Variants in EIF4G2 observed in about 807,000 individuals in gnomAD.
EIF4G2 encodes the protein eukaryotic translation initiation factor 4 gamma 2.
EIF4G2 carries 8 observed loss-of-function variants against 117.7 expected under a neutral mutation model. The ratio of observed to expected loss-of-function variants is 0.07; its 90% CI spans 0.04 to 0.12. EIF4G2 has a LOEUF of 0.12. Ranked by LOEUF, EIF4G2 falls within the 10% of genes least tolerant of loss-of-function variation. EIF4G2 has a pLI of 1.00. For synonymous variants in EIF4G2, 413 were observed against 367.8 expected, an observed-to-expected ratio of 1.12 and a Z score of -1.41; for missense variants, 812 against 1,086.2, an observed-to-expected ratio of 0.75 and a Z score of 3.55.
intron 1 of EIF4G2, chr11:10,808,385 C>G: frequency 8.1e-7 from 1 of 1,241,946 alleles, no homozygotes; most frequent in Non-Finnish European, 1.0e-6. Flanking sequence ...CGCTAGCGGT[C>G]CGAGCCACGC....
chr11:10,801,788 G>C lies in EIF4G2; in HGVS notation c.1300-14C>G. On this transcript the variant is annotated splice_polypyrimidine_tract_variant and intron_variant, in intron 13 of 21. Transcript: ENST00000339995. Reference sequence around the variant, plus strand: ...CTGGCTTAGCCCCTATTTCAGAAAAGGAGAAAGAAAGTCTAGATAAAAAGG... The same window carrying C: ...CTGGCTTAGCCCCTATTTCAGAAAACGAGAAAGAAAGTCTAGATAAAAAGG... The C allele has an allele frequency of 6.2e-7, 1 of 1,609,756 alleles. No homozygotes were observed. The highest frequency in any genetic ancestry group is 1.3e-5 in the African/African-American group (1 of 74,768).
chr11:10,798,959 G>T (rs531076328), intron 21 of EIF4G2, 33 bp downstream of exon 21: 108 of 1,583,870 alleles, frequency 6.8e-5, no homozygotes, highest in Non-Finnish European at 9.1e-5. Flanking sequence ...GCAAACTGAA[G>T]TAAGCAGACC....
Position 10,806,055 on chromosome 11 carries a change from A to T in EIF4G2, c.108-8T>A. Reference sequence around the variant, plus strand: ...GTTTTCCCCAGGAACTCGCTGATTAATAAAAATCAGCAAAAACACTTATTG... The same window carrying T: ...GTTTTCCCCAGGAACTCGCTGATTATTAAAAATCAGCAAAAACACTTATTG... On this transcript the variant is annotated splice_region_variant and splice_polypyrimidine_tract_variant and intron_variant, in intron 3 of 21. Transcript: ENST00000339995. 8 of 1,614,180 alleles carry T rather than the reference A, an allele frequency of 5.0e-6. No homozygotes were observed. Among genetic ancestry groups the T allele is most frequent in the East Asian group, 2.2e-5 (1 of 44,890 alleles).
chr11:10,803,682 C>G lies in EIF4G2; in HGVS notation c.703-92G>C. On this transcript the variant is annotated intron_variant, in intron 8 of 21. Coordinates refer to ENST00000339995, the MANE Select transcript of EIF4G2 (RefSeq NM_001418.4). The surrounding 1 kb of genome is among the most constrained non-coding windows in gnomAD (Gnocchi z 4.0). ...CCCTTTATGTTTGCACTGACTCATT[C>G]ACAGTTCCTACAGAATCTAGTATAG... The G allele has an allele frequency of 8.0e-7, 1 of 1,245,100 alleles. No individual in the cohort carries two copies. 77.1% of individuals were successfully genotyped at this position (1,245,100 alleles called of 1,614,324 possible). A position where few individuals can be genotyped will look rare whatever the true frequency, so the allele number is the denominator to read the frequency against.
At position 10,803,431 on chromosome 11, in the gene EIF4G2, T is replaced by C. The variant is rs1847481668; in HGVS notation, c.813+49A>G. The C allele has an allele frequency of 1.3e-6, 2 of 1,582,676 alleles. No individual in the cohort carries two copies. Among genetic ancestry groups the C allele is most frequent in the Non-Finnish European group, 1.7e-6 (2 of 1,153,152 alleles). On this transcript the variant is annotated intron_variant, in intron 9 of 21. Coordinates refer to ENST00000339995, the MANE Select transcript of EIF4G2 (RefSeq NM_001418.4). This position sits in a 1 kb window ranked among gnomAD's most constrained non-coding sequence, Gnocchi z 4.0. ...TATGATGTCACAAAAATCAATAGCT[T>C]GATTTAAAGACAAACTACTTGTACT...
At position 10,802,324 on chromosome 11, in the gene EIF4G2, C is replaced by T; in HGVS notation, c.1108G>A (p.Gly370Arg). Residue 370 changes from glycine to arginine, a missense_variant, in exon 12 of 22, where the codon GGA becomes AGA. Gly to Arg is a moderately radical substitution (Grantham distance 125). Transcript: ENST00000339995. The stretch of plus-strand genomic sequence containing the variant: ...ATTTGTCCAAACATATCAGCAAGTC[C>T]TCCAAGTGGGTCCCTATCCATTTTC... The T allele has an allele frequency of 1.9e-6, 3 of 1,613,746 alleles. No homozygotes were observed. The highest frequency in any genetic ancestry group is 8.5e-7 in the Non-Finnish European group (1 of 1,179,890).
At position 10,807,751 on chromosome 11, in the gene EIF4G2, G is replaced by A. The variant is rs892949394; in HGVS notation, c.-86-370C>T. 33 of 991,350 alleles carry A rather than the reference G, an allele frequency of 3.3e-5. No homozygotes were observed. The African/African-American group carries it at 5.1e-4, about 15-fold the overall frequency. The allele number at this position is 991,350 out of a possible 1,614,324, so 61.4% of individuals were successfully genotyped here. On this transcript the variant is annotated intron_variant, in intron 1 of 21. Coordinates refer to ENST00000339995, the MANE Select transcript of EIF4G2 (RefSeq NM_001418.4). ...CCCTAGGAATTTTTACTGCCTTGAC[G>A]AGGCCAGCGACTAGATGAGGTCTCT...
chr11:10,801,302 C>CAGT (rs1471638358), intron 14 of EIF4G2: 1 of 646,830 alleles, frequency 1.5e-6, no homozygotes, highest in East Asian at 2.8e-5. Flanking sequence ...ATAAATCTTA[C>CAGT]ATTCTCTTAG....
chr11:10,805,630 T>C (rs1251577353), intron 4 of EIF4G2, among the ~76,000 whole-genome samples: 2 of 152,124 alleles, frequency 1.3e-5, no homozygotes, highest in African/African-American at 4.8e-5. Flanking sequence ...TTTTTGTATT[T>C]TTAGTAGAGA....
At chr11:10,805,841 GCACA>G in intron 4 of EIF4G2, 62 bp downstream of exon 4, 1 of 1,606,578 alleles carries the variant, frequency 6.2e-7, no homozygotes, top group South Asian at 1.1e-5. Flanking sequence ...TAGTAATACA[GCACA>G]CACACCAAAC....
chr11:10,804,663 A>C, intron 5 of EIF4G2: 2 of 607,640 alleles, frequency 3.3e-6, no homozygotes. Flanking sequence ...TTTCCACAAA[A>C]GAAAAAGAAC....
At chr11:10,805,834 T>A in intron 4 of EIF4G2, 73 bp downstream of exon 4, 1 of 1,603,014 alleles carries the variant, frequency 6.2e-7, no homozygotes. Flanking sequence ...GCCTTCTTAG[T>A]AATACAGCAC....
At chr11:10,806,195 T>C (rs926746360) in intron 3 of EIF4G2, 148 bp from the exon 4 acceptor site, 5 of 1,064,400 alleles carry the variant, frequency 4.7e-6, no homozygotes, top group Non-Finnish European at 6.7e-6. Context: ...TCTGGAACAG[T>C]AGTGTGCATC....
chr11:10,807,362 G>T lies in EIF4G2; in HGVS notation c.-67C>A. 1 of 1,605,450 alleles carries T rather than the reference G, an allele frequency of 6.2e-7. No individual in the cohort carries two copies. The highest frequency in any genetic ancestry group is 1.1e-5 in the South Asian group (1 of 89,994). ...TAATAGATGGGGTGGGGAGGGGAGG[G>T]GACAGGAGAAATGAAATACCTGGAA... On this transcript the variant is annotated 5_prime_UTR_variant, in exon 2 of 22. Transcript: ENST00000339995.
rs1423616312 is a variant in EIF4G2 at position 10,801,910 on chromosome 11, G to A, written c.1300-136C>T. 7.4e-6 allele frequency: 8 copies of A among 1,079,416 alleles called. No individual in the cohort carries two copies. The African/African-American group carries it at 8.0e-5, about 11-fold the overall frequency. 66.9% of individuals were successfully genotyped at this position (1,079,416 alleles called of 1,614,324 possible). A position where few individuals can be genotyped will look rare whatever the true frequency, so the allele number is the denominator to read the frequency against. ...CCAGAGAAAGTAAAAGATGAAACAG[G>A]GAAGAATAAAAATCTAACCTATCAA... On this transcript the variant is annotated intron_variant, in intron 13 of 21. Coordinates refer to ENST00000339995, the MANE Select transcript of EIF4G2 (RefSeq NM_001418.4).
rs780250862 is a variant in EIF4G2, at chr11:10,799,347, T to G, written c.2402A>C (p.Gln801Pro). 6.2e-7 allele frequency: 1 copy of G among 1,613,718 alleles called. No homozygotes were observed. Among genetic ancestry groups the G allele is most frequent in the South Asian group, 1.1e-5 (1 of 91,086 alleles). Residue 801 changes from glutamine to proline, a missense_variant, in exon 20 of 22, where the codon CAG (glutamine) becomes CCG (proline). This residue lies in a region of EIF4G2 where 571 missense variants were observed against 642.3 expected (regional missense o/e 0.89). Transcript: ENST00000339995. ...TAGTAGTTGTTTTTCCTGCTCTAAC[T>G]GTTCTTTGGAAGGAGCAGAGGATGA...
intron 3 of EIF4G2, chr11:10,806,614 A>C (rs1380139275): frequency 3.7e-6 from 2 of 539,620 alleles, no homozygotes; most frequent in African/African-American, 3.7e-5. Flanking sequence ...TAAGGAAAAA[A>C]ATAACAGCTT....
At chr11:10,798,456 G>A (rs966283965) in intron 21 of EIF4G2, among the ~76,000 whole-genome samples, 1 of 152,092 alleles carries the variant, frequency 6.6e-6, no homozygotes, top group African/African-American at 2.4e-5. Flanking sequence ...GCAGTGGTGT[G>A]ATCTCAGCTC....
Position 10,800,602 on chromosome 11 carries a change from C to T in EIF4G2, c.1690G>A (p.Ala564Thr). Residue 564 changes from alanine to threonine, a missense_variant, in exon 17 of 22, where the codon GCT becomes ACT. Ala to Thr is a moderately conservative substitution (Grantham distance 58, BLOSUM62 0). Around this residue, in one of 4 missense-constraint regions of EIF4G2, gnomAD observed 571 missense variants for 642.3 expected, o/e 0.89. Transcript: ENST00000339995. ...CTCATTTCTCTTACACCATTGACAG[C>T]CTCATTTGCATTTCCACTATTTAGA... 6.2e-7 allele frequency: 1 copy of T among 1,614,144 alleles called. No homozygotes were observed. Among genetic ancestry groups the T allele is most frequent in the Non-Finnish European group, 8.5e-7 (1 of 1,180,026 alleles).
Sources: allele counts gnomAD v4.1 joint callset (sites outside exome capture counted in the v4.1 genomes callset), GRCh38; gene constraint gnomAD v4.1.1; regional missense constraint gnomAD v4.1.1; non-coding constraint Gnocchi (gnomAD v3.1); transcripts MANE v1.5; gene names NCBI Gene and HGNC (gene_info 2026-07-23, HGNC 2026-07-21).